VRK1: variants seen among roughly 807,000 people sequenced by gnomAD.
VRK1 encodes the protein VRK serine/threonine kinase 1, also known as serine/threonine-protein kinase VRK1.
Under a neutral mutation model 57.1 loss-of-function variants are expected in VRK1, and 33 were observed. The observed-to-expected ratio is 0.58, with a 90% CI of 0.44 to 0.77. VRK1 has a LOEUF of 0.77. Ranked by LOEUF, VRK1 falls within the 30% of genes least tolerant of loss-of-function variation. VRK1 has a pLI of 0.00. For synonymous variants in VRK1, 137 were observed against 147.8 expected, an observed-to-expected ratio of 0.93 and a Z score of 0.53; for missense variants, 413 against 477.3, an observed-to-expected ratio of 0.87 and a Z score of 1.25.
At chr14:96,859,002 G>T (rs1258267946) in intron 10 of VRK1, 1 of 152,068 alleles carries the variant, frequency 6.6e-6, no homozygotes, top group Non-Finnish European at 1.5e-5. Context: ...TCTTTATACT[G>T]TTGAGTCTTC....
chr14:96,808,099 C>T (rs1192524851), intron 1 of VRK1, among the ~76,000 whole-genome samples: 1 of 148,418 alleles, frequency 6.7e-6, no homozygotes, highest in Non-Finnish European at 1.5e-5. Flanking sequence ...TGGGTAATAC[C>T]AATATTAAGA....
chr14:96,853,656 T>C (rs1888037931), intron 7 of VRK1, among the ~76,000 whole-genome samples: 1 of 152,120 alleles, frequency 6.6e-6, no homozygotes, highest in Non-Finnish European at 1.5e-5. Context: ...TGCATTTTTT[T>C]TTTAGCTTAT....
intron 1 of VRK1, among the ~76,000 whole-genome samples, chr14:96,813,588 TA>T (rs1264254415): frequency 6.6e-6 from 1 of 152,224 alleles, no homozygotes; most frequent in Non-Finnish European, 1.5e-5. Context: ...ATTTCATTAC[TA>T]CGTTTGTCCT....
At chr14:96,837,457 A>G (rs1887265080) in intron 2 of VRK1, among the ~76,000 whole-genome samples, 1 of 152,222 alleles carries the variant, frequency 6.6e-6, no homozygotes, top group African/African-American at 2.4e-5. Flanking sequence ...AATATCCACT[A>G]GCATATCAAA....
chr14:96,831,155 C>G (rs1886989947), intron 1 of VRK1, among the ~76,000 whole-genome samples: 1 of 152,194 alleles, frequency 6.6e-6, no homozygotes, highest in Non-Finnish European at 1.5e-5. Context: ...ATCAGAGGCA[C>G]CATACTTTCT....
At chr14:96,857,171 A>C (rs1888195877) in intron 10 of VRK1, among the ~76,000 whole-genome samples, 1 of 152,148 alleles carries the variant, frequency 6.6e-6, no homozygotes, top group Non-Finnish European at 1.5e-5. Flanking sequence ...TTGTAGTTGG[A>C]GGATTTTAGA....
In VRK1 at chr14:96,876,997, T is replaced by C. The variant is rs570365166; in HGVS notation, c.1159+877T>C. On this transcript the variant is annotated intron_variant, in intron 12 of 12. Coordinates refer to ENST00000216639, the MANE Select transcript of VRK1 (RefSeq NM_003384.3). ...GGATTCATGTGATATGATGATGTAC[T>C]TGACTCAATAAAGAGAGCTATTCAG... 3.9e-4 allele frequency among the ~76,000 whole-genome samples: 60 copies of C among 152,128 alleles called. 2 individuals carry two copies. In the South Asian group the frequency reaches 0.012, roughly 30 times the overall value.
intron 3 of VRK1, among the ~76,000 whole-genome samples, chr14:96,839,475 C>T (rs546340301): frequency 7.9e-5 from 12 of 152,170 alleles, no homozygotes; most frequent in African/African-American, 2.9e-4. Flanking sequence ...TAATATATGA[C>T]AGTTCTGTTT....
chr14:96,835,314 A>G (rs1887171495), intron 2 of VRK1, among the ~76,000 whole-genome samples: 1 of 152,168 alleles, frequency 6.6e-6, no homozygotes, highest in Non-Finnish European at 1.5e-5. Context: ...TGTTTCTCAT[A>G]ACAATTGCTT....
In VRK1 at chr14:96,876,019, T is replaced by G; in HGVS notation, c.1069-11T>G. The G allele has an allele frequency of 6.2e-7, 1 of 1,611,904 alleles. No individual in the cohort carries two copies. The highest frequency in any genetic ancestry group is 8.5e-7 in the Non-Finnish European group (1 of 1,178,752). On this transcript the variant is annotated splice_polypyrimidine_tract_variant and intron_variant, in intron 11 of 12. Coordinates refer to ENST00000216639, the MANE Select transcript of VRK1 (RefSeq NM_003384.3). The stretch of plus-strand genomic sequence containing the variant: ...GATATCTCTCTCTCTCTCTTTAATT[T>G]TATATGTAAGAAGCGAAAGAAAGAA...
intron 11 of VRK1, among the ~76,000 whole-genome samples, chr14:96,871,739 CATT>C (rs1302731516): frequency 6.6e-6 from 1 of 152,180 alleles, no homozygotes; most frequent in Non-Finnish European, 1.5e-5. Context: ...TTGCAATAGT[CATT>C]ATTTTTATTA....
chr14:96,856,191 C>T lies in VRK1; in HGVS notation c.771C>T (p.Gly257=). The T allele has an allele frequency of 6.2e-7, 1 of 1,613,666 alleles. No individual in the cohort carries two copies. The highest frequency in any genetic ancestry group is 8.5e-7 in the Non-Finnish European group (1 of 1,179,724). The stretch of plus-strand genomic sequence containing the variant: ...ATTGCATGATCCAATGGCTTACTGG[C>T]CATCTTCCTTGGGAGGATAATTTGA... The part of the protein sequence containing the change: ...LGYCMIQWLT[G]HLPWEDNLKD... The change falls in exon 9 of 13, where the codon GGC becomes GGT. Residue 257 remains glycine, a synonymous_variant. Transcript: ENST00000216639.
At chr14:96,805,515 C>G (rs1371969684) in intron 1 of VRK1, among the ~76,000 whole-genome samples, 1 of 152,140 alleles carries the variant, frequency 6.6e-6, no homozygotes, top group African/African-American at 2.4e-5. Flanking sequence ...TATACTCTTC[C>G]CCTCCCCTGC....
intron 1 of VRK1, among the ~76,000 whole-genome samples, chr14:96,801,036 G>A (rs1419809623): frequency 1.3e-5 from 2 of 152,126 alleles, no homozygotes; most frequent in Non-Finnish European, 1.5e-5. Context: ...TTAGGAACAC[G>A]AGCAGCCTCA....
intron 12 of VRK1, among the ~76,000 whole-genome samples, chr14:96,876,833 G>A (rs1889055630): frequency 6.6e-6 from 1 of 150,992 alleles, no homozygotes; most frequent in Non-Finnish European, 1.5e-5. Flanking sequence ...TCATTTTTCT[G>A]AGATGGCTTA....
chr14:96,804,925 G>A (rs895198690), intron 1 of VRK1, among the ~76,000 whole-genome samples: 1 of 152,156 alleles, frequency 6.6e-6, no homozygotes, highest in Non-Finnish European at 1.5e-5. Flanking sequence ...AAACTGTTTC[G>A]TATTTATGCT....
intron 1 of VRK1, among the ~76,000 whole-genome samples, chr14:96,818,515 T>C (rs890512133): frequency 6.6e-6 from 1 of 152,208 alleles, no homozygotes; most frequent in Non-Finnish European, 1.5e-5. Context: ...AAAGATTGTA[T>C]CACAGTTTGA....
chr14:96,824,665 ATTTTTTT>A (rs55945612), intron 1 of VRK1, among the ~76,000 whole-genome samples: 10 of 139,524 alleles, frequency 7.2e-5, no homozygotes, highest in Non-Finnish European at 1.3e-4. Flanking sequence ...AAAAACATTA[ATTTTTTT>A]TTTTTTTTTT....
intron 1 of VRK1, among the ~76,000 whole-genome samples, chr14:96,825,891 A>G (rs1306894404): frequency 6.6e-6 from 1 of 152,208 alleles, no homozygotes; most frequent in Non-Finnish European, 1.5e-5. Context: ...ATGCAGAACT[A>G]TTTTGGGGAA....
Sources: gnomAD v4.1 joint callset for allele counts (sites outside exome capture counted in the v4.1 genomes callset) on GRCh38, gnomAD v4.1.1 for gene constraint, MANE v1.5 for transcripts, NCBI Gene and HGNC (gene_info 2026-07-23, HGNC 2026-07-21) for gene names.